LRMDA: variants seen among roughly 807,000 people sequenced by gnomAD.
LRMDA encodes the protein leucine rich melanocyte differentiation associated, also known as leucine-rich melanocyte differentiation-associated protein.
A neutral mutation model predicts 29.8 loss-of-function variants in LRMDA; 18 were observed. The observed-to-expected ratio is 0.60, with a 90% CI of 0.42 to 0.90. The LOEUF (loss-of-function observed/expected upper bound fraction) is 0.90, where lower values mean the gene tolerates loss of function less well. LRMDA is among the 40% of genes least tolerant of loss of function. The probability of loss-of-function intolerance (pLI) is 0.00; values close to 1 mark genes in which losing one functional copy is unlikely to be tolerated. For synonymous variants in LRMDA, 125 were observed against 109.4 expected, an observed-to-expected ratio of 1.14 and a Z score of -0.89; for missense variants, 273 against 273.9, an observed-to-expected ratio of 1.00 and a Z score of 0.02.
chr10:76,344,676 T>C (rs1841080978), intron 6 of LRMDA, among the ~76,000 whole-genome samples: 1 of 152,112 alleles, frequency 6.6e-6, no homozygotes, highest in Non-Finnish European at 1.5e-5. Context: ...AATGTGGTAC[T>C]GGCACAGGAC....
intron 2 of LRMDA, among the ~76,000 whole-genome samples, chr10:75,696,850 G>T (rs1842241342): frequency 6.6e-6 from 1 of 152,216 alleles, no homozygotes; most frequent in South Asian, 2.1e-4. Flanking sequence ...AAACCTGTGA[G>T]TGCTGGCGAT....
chr10:76,479,961 A>G (rs76889664), intron 6 of LRMDA, among the ~76,000 whole-genome samples: 4,573 of 152,044 alleles, frequency 0.03, 160 homozygotes, highest in African/African-American at 0.078. Context: ...GGCAAAAACA[A>G]TTATGATTCC....
intron 2 of LRMDA, among the ~76,000 whole-genome samples, chr10:75,661,081 C>T (rs1213727455): frequency 6.6e-6 from 1 of 152,160 alleles, no homozygotes; most frequent in Non-Finnish European, 1.5e-5. Context: ...GCCAGAGTGA[C>T]TGCTTTGCCA....
chr10:75,455,283 T>C lies in LRMDA; in HGVS notation c.131+16789T>C, dbSNP rs564005893. On this transcript the variant is annotated intron_variant, in intron 2 of 6. Transcript: ENST00000611255. ...TGACCACTGTCCCTTGCAGGTCTCC[T>C]CCTGTTTATTGTAGATACATAGGTA... Among the ~76,000 whole-genome samples the C allele has an allele frequency of 1.1e-4, 16 of 152,344 alleles. 1 individual carries two copies. The South Asian group carries it at 3.3e-3, about 32-fold the overall frequency.
At chr10:75,782,405 A>G (rs1032701919) in intron 2 of LRMDA, among the ~76,000 whole-genome samples, 5 of 152,058 alleles carry the variant, frequency 3.3e-5, no homozygotes, top group Non-Finnish European at 7.4e-5. Flanking sequence ...CTATTTGTCA[A>G]TCTTACCTCT....
intron 5 of LRMDA, among the ~76,000 whole-genome samples, chr10:76,261,488 A>G (rs549268739): frequency 6.6e-6 from 1 of 152,234 alleles, no homozygotes; most frequent in Non-Finnish European, 1.5e-5. Flanking sequence ...TGGTTCTAAA[A>G]AAAAAATGAC....
chr10:75,745,305 G>C (rs921020982), intron 2 of LRMDA, among the ~76,000 whole-genome samples: 1 of 151,240 alleles, frequency 6.6e-6, no homozygotes, highest in Non-Finnish European at 1.5e-5. Flanking sequence ...ATATAAATTG[G>C]GGCAAAATTC....
chr10:75,845,972 G>A (rs1016529669), intron 2 of LRMDA, among the ~76,000 whole-genome samples: 50 of 152,180 alleles, frequency 3.3e-4, no homozygotes, highest in African/African-American at 1.1e-3. Flanking sequence ...TGGCAGCCTA[G>A]CACCAAAGTT....
intron 2 of LRMDA, among the ~76,000 whole-genome samples, chr10:75,683,339 C>T (rs1407571325): frequency 6.6e-6 from 1 of 152,154 alleles, no homozygotes; most frequent in African/African-American, 2.4e-5. Context: ...GCTTGCCTGG[C>T]TGGGAGCCGT....
intron 2 of LRMDA, among the ~76,000 whole-genome samples, chr10:75,890,316 A>G (rs1845463438): frequency 6.6e-6 from 1 of 152,230 alleles, no homozygotes; most frequent in African/African-American, 2.4e-5. Context: ...TTCTCTCTCT[A>G]TATATGTGGT....
At chr10:76,162,156 G>C (rs527459148) in intron 5 of LRMDA, among the ~76,000 whole-genome samples, 9 of 152,278 alleles carry the variant, frequency 5.9e-5, no homozygotes, top group African/African-American at 2.2e-4. Context: ...TCGTGCTGTG[G>C]TGTTTACTTT....
intron 2 of LRMDA, among the ~76,000 whole-genome samples, chr10:75,791,925 T>C (rs1843572846): frequency 6.8e-6 from 1 of 147,936 alleles, no homozygotes; most frequent in South Asian, 2.2e-4. Flanking sequence ...AGTGGTGCTA[T>C]CTCGGCTCAC....
At chr10:76,401,766 C>T (rs759522205) in intron 6 of LRMDA, among the ~76,000 whole-genome samples, 3 of 152,140 alleles carry the variant, frequency 2.0e-5, no homozygotes, top group Non-Finnish European at 4.4e-5. Flanking sequence ...AATACTATGA[C>T]AGGTTGAGAG....
intron 2 of LRMDA, among the ~76,000 whole-genome samples, chr10:75,910,184 G>A (rs963801426): frequency 1.4e-4 from 21 of 152,096 alleles, no homozygotes; most frequent in Non-Finnish European, 2.1e-4. Flanking sequence ...TTCTAATTTC[G>A]CCACTTTATG....
chr10:75,785,014 TAA>T (rs1843448321), intron 2 of LRMDA, among the ~76,000 whole-genome samples: 1 of 152,196 alleles, frequency 6.6e-6, no homozygotes, highest in South Asian at 2.1e-4. Flanking sequence ...TCTGTAATGG[TAA>T]AGTCCACGTC....
intron 2 of LRMDA, among the ~76,000 whole-genome samples, chr10:75,718,233 G>A (rs1029281816): frequency 1.3e-5 from 2 of 152,320 alleles, no homozygotes; most frequent in East Asian, 3.9e-4. Flanking sequence ...TGGATTGGCC[G>A]TGGAGACTCT....
chr10:75,499,829 G>A (rs1057080967), intron 2 of LRMDA, among the ~76,000 whole-genome samples: 1 of 152,158 alleles, frequency 6.6e-6, no homozygotes, highest in Non-Finnish European at 1.5e-5. Flanking sequence ...GTACCAAGGT[G>A]TCTAGAGCCA....
intron 2 of LRMDA, among the ~76,000 whole-genome samples, chr10:75,710,034 C>T (rs1452853902): frequency 6.6e-6 from 1 of 152,202 alleles, no homozygotes; most frequent in African/African-American, 2.4e-5. Context: ...TTGGTGTTGT[C>T]AGCAGAAGCT....
intron 6 of LRMDA, among the ~76,000 whole-genome samples, chr10:76,330,401 C>T (rs1840890393): frequency 6.6e-6 from 1 of 152,196 alleles, no homozygotes; most frequent in Non-Finnish European, 1.5e-5. Context: ...CCTAGCAAGG[C>T]CTGTCTGTTC....
Sources: allele counts gnomAD v4.1 joint callset (sites outside exome capture counted in the v4.1 genomes callset), GRCh38; gene constraint gnomAD v4.1.1; transcripts MANE v1.5; gene names NCBI Gene and HGNC (gene_info 2026-07-23, HGNC 2026-07-21).